Variants in RHBDF2 observed in about 807,000 individuals in gnomAD.
The protein encoded by RHBDF2 is rhomboid 5 homolog 2, also known as inactive rhomboid protein 2.
RHBDF2 carries 38 observed loss-of-function variants against 95.2 expected under a neutral mutation model. That is an observed-to-expected ratio of 0.40 (90% CI 0.31 to 0.52). The LOEUF is 0.52. RHBDF2 is among the 20% of genes least tolerant of loss of function. RHBDF2 has a pLI of 0.56. For missense variants in RHBDF2, 863 were observed against 1,137.7 expected, an observed-to-expected ratio of 0.76 and a Z score of 3.47; for synonymous variants, 442 against 462.0, an observed-to-expected ratio of 0.96 and a Z score of 0.55.
In RHBDF2 at chr17:76,474,053, A is replaced by C; in HGVS notation, c.1554T>G (p.Ala518=). ...SDLGQKRTSG[A]VCHQDPRTCE... ...CCTACCTGGGGTCCTGGTGGCAGAC[A>C]GCCCCCGAAGTCCGCTTCTGGCCCA... The change falls in exon 13 of 19, where the codon GCT becomes GCG. Residue 518 remains alanine, a synonymous_variant. Coordinates refer to ENST00000675367, the MANE Select transcript of RHBDF2 (RefSeq NM_001005498.4). 1 of 1,613,286 alleles carries C rather than the reference A, an allele frequency of 6.2e-7. No homozygotes were observed. The highest frequency in any genetic ancestry group is 8.5e-7 in the Non-Finnish European group (1 of 1,179,856).
At chr17:76,493,649 C>A (rs1472801261) in intron 1 of RHBDF2, among the ~76,000 whole-genome samples, 3 of 152,096 alleles carry the variant, frequency 2.0e-5, no homozygotes, top group Non-Finnish European at 4.4e-5. Context: ...CTGTCTGTCT[C>A]CAGGAGCCAA....
In RHBDF2 at chr17:76,470,925, G is replaced by C. The variant is rs1656205810; in HGVS notation, c.*708C>G. The C allele has an allele frequency of 6.6e-6, 1 of 152,274 alleles. No homozygotes were observed. The highest frequency in any genetic ancestry group is 2.1e-4 in the South Asian group (1 of 4,822). 9.4% of individuals were successfully genotyped at this position (152,274 alleles called of 1,614,324 possible). A position where few individuals can be genotyped will look rare whatever the true frequency, so the allele number is the denominator to read the frequency against. Reference sequence around the variant, plus strand: ...ATAAAGAATATTATTTAATCCATGAGACATCGTCCGTACAAAGTTAGCGTT... The same window carrying C: ...ATAAAGAATATTATTTAATCCATGACACATCGTCCGTACAAAGTTAGCGTT... On this transcript the variant is annotated 3_prime_UTR_variant, in exon 19 of 19. Transcript: ENST00000675367.
chr17:76,498,472 G>A (rs1021960940), intron 1 of RHBDF2, among the ~76,000 whole-genome samples: 5 of 152,226 alleles, frequency 3.3e-5, no homozygotes, highest in African/African-American at 1.2e-4. Flanking sequence ...CTGTGCCAGC[G>A]GCAGGCGGGG....
At chr17:76,497,060 C>T (rs1037426101) in intron 1 of RHBDF2, among the ~76,000 whole-genome samples, 1 of 152,152 alleles carries the variant, frequency 6.6e-6, no homozygotes, top group Non-Finnish European at 1.5e-5. Flanking sequence ...CGCGCCTGGC[C>T]CCAGATCTTC....
intron 1 of RHBDF2, among the ~76,000 whole-genome samples, chr17:76,495,929 G>A (rs1253503340): frequency 6.6e-6 from 1 of 152,214 alleles, no homozygotes; most frequent in Non-Finnish European, 1.5e-5. Flanking sequence ...AGGACACGGG[G>A]ACACCAGGTT....
At chr17:76,495,786 G>C (rs1387444815) in intron 1 of RHBDF2, among the ~76,000 whole-genome samples, 2 of 152,214 alleles carry the variant, frequency 1.3e-5, no homozygotes, top group East Asian at 1.9e-4. Flanking sequence ...GAGGGAAAAT[G>C]CCAGGCAGAC....
intron 2 of RHBDF2, among the ~76,000 whole-genome samples, chr17:76,485,767 T>G (rs1050716528): frequency 6.6e-6 from 1 of 152,114 alleles, no homozygotes; most frequent in Non-Finnish European, 1.5e-5. Context: ...AGCCACACAA[T>G]GGAGCATCCT....
At position 76,478,894 on chromosome 17, in the gene RHBDF2, C is replaced by A; in HGVS notation, c.584G>T (p.Ser195Ile). ...CAGGTGGGAGTAGCCAGAACGGACA[C>A]TGGTGAAGGAGGTGAGGGACAGGAC... ...PGVLSLTSFT[S>I]VRSGYSHLPR... Residue 195 changes from serine to isoleucine, a missense_variant, in exon 6 of 19, where the codon AGT becomes ATT. Coordinates refer to ENST00000675367, the MANE Select transcript of RHBDF2 (RefSeq NM_001005498.4). 1 of 1,612,188 alleles carries A rather than the reference C, an allele frequency of 6.2e-7. No homozygotes were observed.
intron 1 of RHBDF2, 170 bp downstream of exon 1, chr17:76,501,183 C>G (rs2074570949): frequency 6.6e-6 from 1 of 152,256 alleles, no homozygotes; most frequent in African/African-American, 2.4e-5. Flanking sequence ...GGGCCTCCAG[C>G]CGAGCCCACG....
intron 1 of RHBDF2, among the ~76,000 whole-genome samples, chr17:76,494,869 T>TG (rs1277198663): frequency 4.6e-5 from 7 of 152,198 alleles, no homozygotes; most frequent in African/African-American, 1.4e-4. Context: ...CTCCCGAGCC[T>TG]GGGGCTGGAC....
chr17:76,472,112 T>C, intron 18 of RHBDF2, 60 bp from the exon 19 acceptor site: 2 of 1,461,984 alleles, frequency 1.4e-6, no homozygotes, highest in Non-Finnish European at 9.1e-7. Flanking sequence ...GGGCCGGGCC[T>C]GCACCCTGGG....
intron 1 of RHBDF2, among the ~76,000 whole-genome samples, chr17:76,500,473 G>A (rs1215509702): frequency 2.0e-5 from 3 of 152,158 alleles, no homozygotes; most frequent in Non-Finnish European, 2.9e-5. Flanking sequence ...CCAGCAAATG[G>A]CACACACTGG....
chr17:76,473,999 G>C (rs377677522), intron 13 of RHBDF2, 34 bp downstream of exon 13: 77 of 1,600,512 alleles, frequency 4.8e-5, no homozygotes, highest in Non-Finnish European at 6.2e-5. Flanking sequence ...GGCTATGCCT[G>C]ACCCTGAGGC....
At chr17:76,485,873 C>T (rs891502810) in intron 2 of RHBDF2, among the ~76,000 whole-genome samples, 1 of 152,090 alleles carries the variant, frequency 6.6e-6, no homozygotes, top group African/African-American at 2.4e-5. Context: ...CGATGGCCAC[C>T]TCTGCATGAG....
intron 1 of RHBDF2, among the ~76,000 whole-genome samples, chr17:76,492,576 C>T (rs910056165): frequency 1.3e-5 from 2 of 152,216 alleles, no homozygotes; most frequent in African/African-American, 4.8e-5. Flanking sequence ...AAGCCACACT[C>T]CTCCACGCGG....
chr17:76,480,047 A>ATGTG (rs2073907245), intron 3 of RHBDF2, 193 bp from the exon 4 acceptor site: 3 of 66,936 alleles, frequency 4.5e-5, no homozygotes, highest in East Asian at 4.1e-4. Context: ...GTGTGTTTGT[A>ATGTG]TATGTATATA....
chr17:76,489,809 T>C (rs973843754), intron 1 of RHBDF2, among the ~76,000 whole-genome samples: 2 of 152,186 alleles, frequency 1.3e-5, no homozygotes, highest in African/African-American at 2.4e-5. Flanking sequence ...ATTCTGTAGA[T>C]GGTGAATGGA....
chr17:76,473,198 G>C (rs971654354), intron 16 of RHBDF2, 54 bp downstream of exon 16: 4 of 1,594,030 alleles, frequency 2.5e-6, no homozygotes, highest in Non-Finnish European at 2.6e-6. Flanking sequence ...GGCCCCAGCA[G>C]GCTGCCATGC....
rs778045330 is a variant in RHBDF2, at chr17:76,481,486, A to G, written c.39T>C (p.Ser13=). Residue 13 remains serine, a synonymous_variant, in exon 3 of 19, where the codon TCT becomes TCC. Transcript: ENST00000675367. ...GGCTCTGCAGGCGGCTGCTGGACAC[A>G]GAGGACACGCTCCCGCCATTCTTGT... The part of the protein sequence containing the change: ...SADKNGGSVS[S]VSSSRLQSRK... The G allele has an allele frequency of 6.2e-6, 10 of 1,610,274 alleles. No homozygotes were observed. Among genetic ancestry groups the G allele is most frequent in the Middle Eastern group, 1.7e-4 (1 of 5,980 alleles).
Sources: gnomAD v4.1 joint callset for allele counts (sites outside exome capture counted in the v4.1 genomes callset) on GRCh38, gnomAD v4.1.1 for gene constraint, MANE v1.5 for transcripts, NCBI Gene and HGNC (gene_info 2026-07-23, HGNC 2026-07-21) for gene names.